CNTNAP2: variants seen among roughly 807,000 people sequenced by gnomAD.
CNTNAP2 encodes contactin associated protein 2.
Under a neutral mutation model 155.2 loss-of-function variants are expected in CNTNAP2, and 98 were observed. The ratio of observed to expected loss-of-function variants is 0.63; its 90% CI spans 0.54 to 0.75. The LOEUF (loss-of-function observed/expected upper bound fraction) is 0.75, where lower values mean the gene tolerates loss of function less well. Among genes scored for constraint, CNTNAP2 ranks in the 30% least tolerant of loss-of-function variants. The pLI is 0.00. For missense variants in CNTNAP2, 1,727 were observed against 1,688.1 expected, an observed-to-expected ratio of 1.02 and a Z score of -0.40; for synonymous variants, 651 against 631.2, an observed-to-expected ratio of 1.03 and a Z score of -0.47.
At chr7:146,685,653 T>C (rs545388868) in intron 1 of CNTNAP2, among the ~76,000 whole-genome samples, 1 of 152,204 alleles carries the variant, frequency 6.6e-6, no homozygotes, top group South Asian at 2.1e-4. Context: ...TACGTAGTAA[T>C]AACAATGTGG....
intron 20 of CNTNAP2, among the ~76,000 whole-genome samples, chr7:148,247,931 G>A (rs1030810988): frequency 1.3e-5 from 2 of 151,964 alleles, no homozygotes; most frequent in African/African-American, 2.4e-5. Flanking sequence ...TGGGATTACA[G>A]GTGTGAACCA....
intron 14 of CNTNAP2, among the ~76,000 whole-genome samples, chr7:147,957,638 G>A (rs963229972): frequency 2.0e-4 from 30 of 151,922 alleles, no homozygotes; most frequent in Admixed American, 2.6e-4. Context: ...ATTCAGTTCC[G>A]GTTAACCAAG....
At chr7:147,388,204 CCATTTCAGGCTGGCTCCTGTGTCATT>C in intron 9 of CNTNAP2, among the ~76,000 whole-genome samples, 1 of 152,272 alleles carries the variant, frequency 6.6e-6, no homozygotes, top group East Asian at 1.9e-4. Context: ...GGAGCAGATG[CCATTTCAGGCTGGCTCCTGTGTCATT>C]CTGACATGAC....
chr7:146,130,812 G>A (rs1226818021), intron 1 of CNTNAP2, among the ~76,000 whole-genome samples: 1 of 152,148 alleles, frequency 6.6e-6, no homozygotes, highest in Non-Finnish European at 1.5e-5. Context: ...GGAAGCAAAG[G>A]CACGTCTTAC....
At chr7:147,364,815 C>G (rs980552531) in intron 9 of CNTNAP2, among the ~76,000 whole-genome samples, 1 of 151,376 alleles carries the variant, frequency 6.6e-6, no homozygotes, top group South Asian at 2.1e-4. Flanking sequence ...CGCCACTGCA[C>G]TCCAGCCTGG....
intron 1 of CNTNAP2, among the ~76,000 whole-genome samples, chr7:146,135,081 A>G (rs944466549): frequency 1.3e-5 from 2 of 152,142 alleles, no homozygotes; most frequent in African/African-American, 2.4e-5. Flanking sequence ...ACATGCTCCC[A>G]GATGATGCTA....
intron 1 of CNTNAP2, among the ~76,000 whole-genome samples, chr7:146,641,366 C>A (rs1033405534): frequency 1.3e-5 from 2 of 151,970 alleles, no homozygotes; most frequent in South Asian, 2.1e-4. Flanking sequence ...TAAAAAGAGA[C>A]GAACTTCTTC....
chr7:147,813,240 C>T (rs1211481260), intron 13 of CNTNAP2, among the ~76,000 whole-genome samples: 1 of 152,072 alleles, frequency 6.6e-6, no homozygotes, highest in Non-Finnish European at 1.5e-5. Flanking sequence ...CAAAAACTAC[C>T]TTTATGGAGT....
At chr7:146,916,598 T>C (rs190686967) in intron 3 of CNTNAP2, among the ~76,000 whole-genome samples, 5 of 152,120 alleles carry the variant, frequency 3.3e-5, no homozygotes, top group African/African-American at 1.2e-4. Context: ...CTCCTCTAGG[T>C]TTTCTAGTTT....
chr7:147,949,460 T>TATATATATATATATATA lies in CNTNAP2; in HGVS notation c.2256-28402_2256-28401insATATATATATATATATA, dbSNP rs60849459. ...TGTGTGTATATATATATATATATAT[T>TATATATATATATATATA]TTTTTTTTTTAGGTTTATTGCAGGA... On this transcript the variant is annotated intron_variant, in intron 14 of 23. Transcript: ENST00000361727. Among the ~76,000 whole-genome samples the TATATATATATATATATA allele has an allele frequency of 9.2e-3, 843 of 91,772 alleles. 6 individuals are homozygous for TATATATATATATATATA. The highest frequency in any genetic ancestry group is 0.026 in the Middle Eastern group (3 of 114). 60.2% of individuals were successfully genotyped at this position (91,772 alleles called of 152,430 possible).
intron 20 of CNTNAP2, among the ~76,000 whole-genome samples, chr7:148,237,318 T>C (rs1214761570): frequency 6.6e-6 from 1 of 152,216 alleles, no homozygotes; most frequent in African/African-American, 2.4e-5. Flanking sequence ...AAAAGGTGTT[T>C]GTACTAATGT....
Position 147,205,548 on chromosome 7 carries a change from A to G in CNTNAP2, c.1348+73039A>G, listed in dbSNP as rs557182703. On this transcript the variant is annotated intron_variant, in intron 8 of 23. Transcript: ENST00000361727. ...ATTTCTAATATAATATTATTCAACT[A>G]TGAAAAAGAATAAAATCCTGTCATT... Among the ~76,000 whole-genome samples the G allele has an allele frequency of 4.6e-5, 7 of 150,700 alleles. No homozygotes were observed. In the South Asian group the frequency reaches 1.1e-3, roughly 23 times the overall value.
chr7:147,381,998 G>T (rs1260484384), intron 9 of CNTNAP2, among the ~76,000 whole-genome samples: 1 of 151,784 alleles, frequency 6.6e-6, no homozygotes, highest in Non-Finnish European at 1.5e-5. Context: ...AAATAATATG[G>T]CTACTCTAAA....
intron 3 of CNTNAP2, among the ~76,000 whole-genome samples, chr7:146,946,698 C>A (rs1293780424): frequency 6.6e-6 from 1 of 152,052 alleles, no homozygotes; most frequent in Non-Finnish European, 1.5e-5. Flanking sequence ...GGAACCATTA[C>A]AATCAACACA....
intron 13 of CNTNAP2, among the ~76,000 whole-genome samples, chr7:147,684,295 C>A (rs914380480): frequency 2.6e-5 from 4 of 151,828 alleles, no homozygotes; most frequent in Admixed American, 1.3e-4. Context: ...TCCAGCTTCA[C>A]CTATAGCTTG....
intron 1 of CNTNAP2, among the ~76,000 whole-genome samples, chr7:146,372,123 C>A (rs1255479942): frequency 1.3e-5 from 2 of 152,048 alleles, no homozygotes; most frequent in Non-Finnish European, 2.9e-5. Flanking sequence ...GTGGAAAGAA[C>A]AGATGTTAAA....
intron 13 of CNTNAP2, among the ~76,000 whole-genome samples, chr7:147,802,908 G>C (rs1798030422): frequency 1.3e-5 from 2 of 151,866 alleles, no homozygotes; most frequent in East Asian, 3.9e-4. Flanking sequence ...CCTCACTTCA[G>C]ATAGAAAAAA....
intron 1 of CNTNAP2, among the ~76,000 whole-genome samples, chr7:146,626,088 T>C (rs968534481): frequency 6.6e-6 from 1 of 152,076 alleles, no homozygotes; most frequent in Non-Finnish European, 1.5e-5. Context: ...GTGATACTTA[T>C]CTAAATGAAG....
At chr7:147,483,735 T>C (rs1798465516) in intron 10 of CNTNAP2, among the ~76,000 whole-genome samples, 1 of 152,222 alleles carries the variant, frequency 6.6e-6, no homozygotes, top group African/African-American at 2.4e-5. Context: ...TAGTTTCATG[T>C]AATTTTGAAG....
Sources: allele counts gnomAD v4.1 joint callset (sites outside exome capture counted in the v4.1 genomes callset), GRCh38; gene constraint gnomAD v4.1.1; transcripts MANE v1.5; gene names NCBI Gene and HGNC (gene_info 2026-07-23, HGNC 2026-07-21).